Variants in CNTN5 observed in about 807,000 individuals in gnomAD.
The protein encoded by CNTN5 is contactin 5, also known as contactin-5.
Under a neutral mutation model 129.1 loss-of-function variants are expected in CNTN5, and 77 were observed. The ratio of observed to expected loss-of-function variants is 0.60; its 90% confidence interval spans 0.50 to 0.72. The LOEUF (loss-of-function observed/expected upper bound fraction) is 0.72, where lower values mean the gene tolerates loss of function less well. Ranked by LOEUF, CNTN5 falls within the 30% of genes least tolerant of loss-of-function variation. The probability of loss-of-function intolerance (pLI) is 0.00; values close to 1 mark genes in which losing one functional copy is unlikely to be tolerated. For missense variants in CNTN5, 1,478 were observed against 1,328.8 expected (o/e 1.11, Z -1.75); for synonymous variants, 509 against 465.6 (o/e 1.09, Z -1.20).
At chr11:99,187,738 T>G (rs1858425118) in intron 1 of CNTN5, among the ~76,000 whole-genome samples, 1 of 151,878 alleles carries the variant, frequency 6.6e-6, no homozygotes, top group African/African-American at 2.4e-5. Context: ...AAAGCAATTT[T>G]TGTGTGATAT....
intron 18 of CNTN5, among the ~76,000 whole-genome samples, chr11:100,279,510 G>C (rs1166937636): frequency 6.6e-6 from 1 of 151,622 alleles, no homozygotes; most frequent in Admixed American, 6.6e-5. Context: ...ATCTGCTTAA[G>C]TTTTGAATTT....
At chr11:100,227,526 A>G (rs1320833291) in intron 16 of CNTN5, among the ~76,000 whole-genome samples, 2 of 152,122 alleles carry the variant, frequency 1.3e-5, no homozygotes, top group Non-Finnish European at 2.9e-5. Context: ...ATTCACCTCT[A>G]TTCCACCATG....
intron 8 of CNTN5, among the ~76,000 whole-genome samples, chr11:99,968,850 C>G (rs547515333): frequency 1.1e-3 from 172 of 151,708 alleles, no homozygotes; most frequent in African/African-American, 4.0e-3. Flanking sequence ...ACATTTATCT[C>G]TGCTAAGGAA....
chr11:99,959,115 G>A (rs947928816), intron 8 of CNTN5, among the ~76,000 whole-genome samples: 2 of 152,016 alleles, frequency 1.3e-5, no homozygotes, highest in Non-Finnish European at 2.9e-5. Flanking sequence ...GCCCTTGTTT[G>A]GCAAAACCCC....
At chr11:100,260,977 A>G (rs967907175) in intron 17 of CNTN5, among the ~76,000 whole-genome samples, 6 of 152,194 alleles carry the variant, frequency 3.9e-5, no homozygotes, top group Admixed American at 3.9e-4. Context: ...AATAAATGGT[A>G]TTCAAATAGG....
In CNTN5 at chr11:100,224,736, G is replaced by C; in HGVS notation, c.1929G>C (p.Met643Ile). The C allele has an allele frequency of 6.2e-7, 1 of 1,612,570 alleles. No homozygotes were observed. Among genetic ancestry groups the C allele is most frequent in the South Asian group, 1.1e-5 (1 of 90,998 alleles). Residue 643 changes from methionine to isoleucine, a missense_variant, in exon 16 of 25, where the codon ATG becomes ATC. Met to Ile is a conservative substitution (Grantham distance 10). Transcript: ENST00000524871. ...ADLMIRNILL[M>I]HAGRYGCRVQ... ...TAATGATCAGGAACATCCTTCTGAT[G>C]CATGCTGGGAGATATGGCTGCAGGG...
chr11:100,003,089 T>G (rs1358630376), intron 9 of CNTN5, among the ~76,000 whole-genome samples: 1 of 152,086 alleles, frequency 6.6e-6, no homozygotes, highest in African/African-American at 2.4e-5. Context: ...CTAAGGTAGA[T>G]TTAAGGAACG....
chr11:99,685,138 T>C (rs935264938), intron 3 of CNTN5, among the ~76,000 whole-genome samples: 4 of 151,616 alleles, frequency 2.6e-5, no homozygotes, highest in African/African-American at 9.7e-5. Flanking sequence ...CCATTTTCAT[T>C]ATAATTTTTT....
intron 4 of CNTN5, among the ~76,000 whole-genome samples, chr11:99,838,051 T>G (rs1233788779): frequency 2.0e-5 from 3 of 152,126 alleles, no homozygotes; most frequent in Non-Finnish European, 4.4e-5. Context: ...TGCAGGTAAA[T>G]GTAACTACCA....
chr11:100,316,761 T>C (rs1004410573), intron 21 of CNTN5, among the ~76,000 whole-genome samples: 1 of 152,224 alleles, frequency 6.6e-6, no homozygotes, highest in Non-Finnish European at 1.5e-5. Flanking sequence ...CATTCATCCC[T>C]TCTTGTAAGA....
At chr11:99,478,296 T>C (rs1323042167) in intron 2 of CNTN5, among the ~76,000 whole-genome samples, 3 of 152,028 alleles carry the variant, frequency 2.0e-5, no homozygotes, top group East Asian at 3.9e-4. Context: ...GTTGGGAGGA[T>C]TCAGTTTCTT....
intron 1 of CNTN5, among the ~76,000 whole-genome samples, chr11:99,127,943 TAGA>T (rs937067157): frequency 1.3e-5 from 2 of 152,216 alleles, no homozygotes; most frequent in African/African-American, 2.4e-5. Flanking sequence ...CTACTGGGCT[TAGA>T]AGGTGTTAAT....
At chr11:99,084,915 T>C (rs1353490132) in intron 1 of CNTN5, among the ~76,000 whole-genome samples, 1 of 152,242 alleles carries the variant, frequency 6.6e-6, no homozygotes, top group African/African-American at 2.4e-5. Flanking sequence ...TAAGATATGG[T>C]TTATCTGATT....
chr11:99,987,431 A>G (rs977554940), intron 8 of CNTN5, among the ~76,000 whole-genome samples: 4 of 151,562 alleles, frequency 2.6e-5, no homozygotes, highest in African/African-American at 9.7e-5. Flanking sequence ...GTATTCATAT[A>G]TACATAATAT....
chr11:99,713,056 T>G (rs879975338), intron 3 of CNTN5, among the ~76,000 whole-genome samples: 2 of 152,152 alleles, frequency 1.3e-5, no homozygotes, highest in African/African-American at 4.8e-5. Context: ...TAGCATTGAA[T>G]CTATAAATTA....
chr11:99,836,987 T>G (rs908744621), intron 4 of CNTN5, among the ~76,000 whole-genome samples: 7 of 152,178 alleles, frequency 4.6e-5, no homozygotes, highest in African/African-American at 1.4e-4. Flanking sequence ...CTCTCATGGC[T>G]GTTTTTGTTT....
At chr11:100,285,281 C>T (rs1053572979) in intron 18 of CNTN5, among the ~76,000 whole-genome samples, 2 of 152,164 alleles carry the variant, frequency 1.3e-5, no homozygotes, top group Admixed American at 1.3e-4. Flanking sequence ...ACCCTACGGT[C>T]TCTTGACTTG....
At chr11:99,323,633 A>G (rs935988805) in intron 1 of CNTN5, among the ~76,000 whole-genome samples, 1 of 152,120 alleles carries the variant, frequency 6.6e-6, no homozygotes, top group African/African-American at 2.4e-5. Flanking sequence ...AATGGCAGTA[A>G]AAAGAACACA....
chr11:100,050,442 A>G (rs1318002485), intron 9 of CNTN5, among the ~76,000 whole-genome samples: 1 of 151,064 alleles, frequency 6.6e-6, no homozygotes, highest in Non-Finnish European at 1.5e-5. Flanking sequence ...ACATGGACAC[A>G]GGAAGGGGAA....
Sources: gnomAD v4.1 joint callset for allele counts (sites outside exome capture counted in the v4.1 genomes callset) on GRCh38, gnomAD v4.1.1 for gene constraint, MANE v1.5 for transcripts, NCBI Gene and HGNC (gene_info 2026-07-23, HGNC 2026-07-21) for gene names.